Variants in GNAI1 observed in about 807,000 individuals in gnomAD.
GNAI1 encodes the protein G protein subunit alpha i1, also known as guanine nucleotide-binding protein G(i) subunit alpha-1.
GNAI1 carries 11 observed loss-of-function variants against 38.9 expected under a neutral mutation model. That is an observed-to-expected ratio of 0.28 (90% CI 0.18 to 0.47). The LOEUF (loss-of-function observed/expected upper bound fraction) is 0.47. Ranked by LOEUF, GNAI1 falls within the 20% of genes least tolerant of loss-of-function variation. The pLI, the probability that GNAI1 is intolerant of heterozygous loss-of-function variation, is 0.99. For synonymous variants in GNAI1, 166 were observed against 145.1 expected, an observed-to-expected ratio of 1.14 and a Z score of -1.04; for missense variants, 317 against 436.9, an observed-to-expected ratio of 0.73 and a Z score of 2.45.
intron 5 of GNAI1, among the ~76,000 whole-genome samples, chr7:80,204,640 C>G (rs1400602707): frequency 6.6e-6 from 1 of 152,148 alleles, no homozygotes; most frequent in African/African-American, 2.4e-5. Flanking sequence ...TAATCTGTTT[C>G]CCTTCCAGGT....
Position 80,189,080 on chromosome 7 carries a change from G to A in GNAI1, c.162-10G>A. On this transcript the variant is annotated splice_polypyrimidine_tract_variant and intron_variant, in intron 2 of 7. Coordinates refer to ENST00000649796, the MANE Select transcript of GNAI1 (RefSeq NM_002069.6). ...TAAATAATTCTTTTTTTTCCCTTTT[G>A]TCTCATTAGAATTATCCATGAAGCT... The A allele has an allele frequency of 1.2e-6, 2 of 1,603,630 alleles. No individual in the cohort carries two copies. The highest frequency in any genetic ancestry group is 2.2e-5 in the South Asian group (2 of 90,390).
chr7:80,203,356 G>T (rs1209813884), intron 4 of GNAI1, among the ~76,000 whole-genome samples: 1 of 151,686 alleles, frequency 6.6e-6, no homozygotes, highest in East Asian at 1.9e-4. Context: ...TATCCAAAAG[G>T]TGTGATAAAG....
intron 4 of GNAI1, among the ~76,000 whole-genome samples, chr7:80,200,324 C>CAAAAAAAAAAAAA (rs59511755): frequency 0.016 from 636 of 40,366 alleles, 147 homozygotes; most frequent in African/African-American, 0.058. Context: ...GGCCATGTCT[C>CAAAAAAAAAAAAA]AAAAAAAAAA....
At position 80,210,994 on chromosome 7, in the gene GNAI1, T is replaced by C; in HGVS notation, c.616T>C (p.Ser206Pro). ...AATGTTTGATGTGGGAGGTCAGAGA[T>C]CTGAGCGGAAGAAGTGGATTCATTG... Reference protein sequence around the residue: ...FKMFDVGGQRSERKKWIHCFE... With the variant: ...FKMFDVGGQRPERKKWIHCFE... Residue 206 changes from serine to proline, a missense_variant, in exon 6 of 8, where the codon TCT (serine) becomes CCT (proline). This residue lies in a region of GNAI1 where 158 missense variants were observed against 234.7 expected (regional missense o/e 0.67). Transcript: ENST00000649796. 1 of 1,613,378 alleles carries C rather than the reference T, an allele frequency of 6.2e-7. No individual in the cohort carries two copies. Among genetic ancestry groups the C allele is most frequent in the South Asian group, 1.1e-5 (1 of 91,070 alleles).
chr7:80,196,574 A>G (rs1788578354), intron 3 of GNAI1, among the ~76,000 whole-genome samples: 1 of 152,012 alleles, frequency 6.6e-6, no homozygotes, highest in Admixed American at 6.6e-5. Flanking sequence ...ATAATGAATC[A>G]TTGACTCCCT....
intron 1 of GNAI1, among the ~76,000 whole-genome samples, chr7:80,177,451 A>G (rs574024255): frequency 1.6e-4 from 24 of 152,314 alleles, no homozygotes; most frequent in African/African-American, 5.1e-4. Context: ...CGCATTATCC[A>G]AGAGCACTGA....
At chr7:80,197,754 T>C (rs1584043899) in intron 3 of GNAI1, among the ~76,000 whole-genome samples, 1 of 152,096 alleles carries the variant, frequency 6.6e-6, no homozygotes, top group Admixed American at 6.6e-5. Context: ...TTGAATAATA[T>C]GTTCTCATGC....
At chr7:80,189,551 G>C (rs955430614) in intron 3 of GNAI1, among the ~76,000 whole-genome samples, 1 of 152,110 alleles carries the variant, frequency 6.6e-6, no homozygotes, top group African/African-American at 2.4e-5. Context: ...TGAGTAAACT[G>C]CTTACCCTGG....
At chr7:80,180,149 A>C (rs529803579) in intron 1 of GNAI1, among the ~76,000 whole-genome samples, 1 of 152,292 alleles carries the variant, frequency 6.6e-6, no homozygotes, top group African/African-American at 2.4e-5. Context: ...CATGAGCGCA[A>C]TTAGACTTGA....
chr7:80,188,855 G>GGTGTGTGTGTGT (rs148159852), intron 1 of GNAI1, 96 bp from the exon 2 acceptor site: 1 of 537,158 alleles, frequency 1.9e-6, no homozygotes, highest in South Asian at 2.4e-5. Context: ...AGAGAGACTG[G>GGTGTGTGTGTGT]GTGTGTGTGT....
intron 1 of GNAI1, among the ~76,000 whole-genome samples, chr7:80,140,009 A>C (rs1175193708): frequency 8.3e-6 from 1 of 119,856 alleles, no homozygotes; most frequent in Admixed American, 1.1e-4. Context: ...TTTTTGACGG[A>C]GTCTTGCTCT....
chr7:80,144,229 C>CTT (rs201484148), intron 1 of GNAI1, among the ~76,000 whole-genome samples: 6 of 140,398 alleles, frequency 4.3e-5, no homozygotes, highest in African/African-American at 1.6e-4. Flanking sequence ...TTTTTGCAAA[C>CTT]TTTTTTTTTT....
intron 1 of GNAI1, among the ~76,000 whole-genome samples, chr7:80,184,916 T>G (rs1584034648): frequency 6.6e-6 from 1 of 152,226 alleles, no homozygotes; most frequent in African/African-American, 2.4e-5. Flanking sequence ...CAGTGATTAG[T>G]TGACTGATAG....
chr7:80,163,666 C>G (rs1787961991), intron 1 of GNAI1, among the ~76,000 whole-genome samples: 1 of 152,112 alleles, frequency 6.6e-6, no homozygotes, highest in African/African-American at 2.4e-5. Flanking sequence ...GTCTTTTTGC[C>G]TACCTCATAG....
chr7:80,210,054 G>A (rs1360163245), intron 5 of GNAI1, among the ~76,000 whole-genome samples: 1 of 152,080 alleles, frequency 6.6e-6, no homozygotes, highest in Non-Finnish European at 1.5e-5. Flanking sequence ...GAATTAAATA[G>A]GGACTATTTT....
At chr7:80,200,347 ACC>A (rs1788662109) in intron 4 of GNAI1, among the ~76,000 whole-genome samples, 14 of 148,738 alleles carry the variant, frequency 9.4e-5, no homozygotes, top group Admixed American at 1.3e-4. Flanking sequence ...AAAAAAAAAA[ACC>A]TAATCAGGGA....
intron 1 of GNAI1, 29 bp downstream of exon 1, chr7:80,135,307 G>T (rs766485950): frequency 1.6e-6 from 2 of 1,284,040 alleles, no homozygotes; most frequent in Non-Finnish European, 1.0e-6. Context: ...GGGCCCGGGG[G>T]TCGGCGGGGG....
In GNAI1 at chr7:80,157,268, A is replaced by G. The variant is rs547952944; in HGVS notation, c.118+21990A>G. ...AATAATATGCACTTAAGTTTCCTCT[A>G]TGTCATAGTTTGATTATTTATTTTT... is the stretch of plus-strand genomic sequence containing the variant. On this transcript the variant is annotated intron_variant, in intron 1 of 7. Transcript: ENST00000649796. Among the ~76,000 whole-genome samples, 9 of 152,152 alleles carry G rather than the reference A, an allele frequency of 5.9e-5. No individual in the cohort carries two copies. In the East Asian group the frequency reaches 9.7e-4, roughly 16 times the overall value.
At position 80,224,037 on chromosome 7, in the gene GNAI1, A is replaced by G. The variant is rs1789120784; in HGVS notation, c.*6544A>G. ...CCCCACCTCTGATCCTCCTACACTT[A>G]AGGCTTCTAGATGCAGATTTATACA... is the stretch of plus-strand genomic sequence containing the variant. On this transcript the variant is annotated 3_prime_UTR_variant, in exon 8 of 8. Transcript: ENST00000649796. Among the ~76,000 whole-genome samples, 1 of 152,168 alleles carries G rather than the reference A, an allele frequency of 6.6e-6. No homozygotes were observed. Among genetic ancestry groups the G allele is most frequent in the Non-Finnish European group, 1.5e-5 (1 of 68,014 alleles).
Sources: gnomAD v4.1 joint callset for allele counts (sites outside exome capture counted in the v4.1 genomes callset) on GRCh38, gnomAD v4.1.1 for gene constraint, gnomAD v4.1.1 regional missense constraint, MANE v1.5 for transcripts, NCBI Gene and HGNC (gene_info 2026-07-23, HGNC 2026-07-21) for gene names.